Variants in NFATC2 observed in about 807,000 individuals in gnomAD.
The protein encoded by NFATC2 is nuclear factor of activated T cells 2, also known as nuclear factor of activated T-cells, cytoplasmic 2.
Under a neutral mutation model 87.3 loss-of-function variants are expected in NFATC2, and 22 were observed. The ratio of observed to expected loss-of-function variants is 0.25; its 90% CI spans 0.18 to 0.36. The LOEUF (loss-of-function observed/expected upper bound fraction) is 0.36. NFATC2 is among the 10% of genes least tolerant of loss of function. The probability of loss-of-function intolerance (pLI) is 1.00; values close to 1 mark genes in which losing one functional copy is unlikely to be tolerated. For missense variants in NFATC2, 1,149 were observed against 1,259.1 expected (o/e 0.91, Z 1.32); for synonymous variants, 565 against 542.2 (o/e 1.04, Z -0.58).
chr20:51,406,423 G>A (rs529623199), intron 9 of NFATC2, among the ~76,000 whole-genome samples: 53 of 152,250 alleles, frequency 3.5e-4, no homozygotes, highest in African/African-American at 9.6e-4. Flanking sequence ...AACCTGTGGC[G>A]GGGAGCAGAT....
upstream of NFATC2, among the ~76,000 whole-genome samples, chr20:51,543,521 G>C (rs1202850276): frequency 6.6e-6 from 1 of 152,212 alleles, no homozygotes; most frequent in Non-Finnish European, 1.5e-5. Context: ...TGTTCTGGCA[G>C]TGAGAACCAA....
intron 1 of NFATC2, among the ~76,000 whole-genome samples, chr20:51,534,655 A>G (rs186166959): frequency 2.0e-5 from 3 of 152,324 alleles, no homozygotes; most frequent in African/African-American, 4.8e-5. Flanking sequence ...TAAAATATGC[A>G]TCACTTACAT....
intron 3 of NFATC2, among the ~76,000 whole-genome samples, chr20:51,513,670 G>A (rs1421173104): frequency 6.6e-6 from 1 of 152,210 alleles, no homozygotes; most frequent in Non-Finnish European, 1.5e-5. Flanking sequence ...GGTGAGCTGA[G>A]CCTCACTCCT....
intron 9 of NFATC2, among the ~76,000 whole-genome samples, chr20:51,416,494 C>T (rs553095398): frequency 1.3e-5 from 2 of 152,160 alleles, no homozygotes; most frequent in Non-Finnish European, 2.9e-5. Context: ...GGTTTCACAT[C>T]TGTCTGGAAT....
intron 3 of NFATC2, among the ~76,000 whole-genome samples, chr20:51,485,347 C>A (rs1189574424): frequency 6.6e-6 from 1 of 152,208 alleles, no homozygotes; most frequent in Admixed American, 6.5e-5. Context: ...TCTCTGCTCT[C>A]AGCTGCCCCT....
rs540494455 is a variant in NFATC2, at chr20:51,457,136, C to G, written c.1709-2448G>C. Among the ~76,000 whole-genome samples the G allele has an allele frequency of 2.8e-4, 43 of 152,382 alleles. No homozygotes were observed. The South Asian group carries it at 8.9e-3, about 32-fold the overall frequency. ...GGTTATTAATCCTTTCTTTCAATATCAAAGTTTTGTGATGACTTCCTAATT... is the reference window on the plus strand; with the variant it reads ...GGTTATTAATCCTTTCTTTCAATATGAAAGTTTTGTGATGACTTCCTAATT... On this transcript the variant is annotated intron_variant, in intron 5 of 10. Coordinates refer to ENST00000371564, the MANE Select transcript of NFATC2 (RefSeq NM_012340.5).
At chr20:51,396,040 A>G (rs1250308684) in intron 10 of NFATC2, among the ~76,000 whole-genome samples, 23 of 742 alleles carry the variant, frequency 0.031, no homozygotes, top group South Asian at 0.079. Flanking sequence ...CCTAGTATGT[A>G]TATATATATA....
chr20:51,499,572 A>G (rs2076045977), intron 3 of NFATC2, among the ~76,000 whole-genome samples: 1 of 151,946 alleles, frequency 6.6e-6, no homozygotes, highest in South Asian at 2.1e-4. Flanking sequence ...GACCAACATG[A>G]TGAAACCCGT....
intron 3 of NFATC2, among the ~76,000 whole-genome samples, chr20:51,475,957 G>A (rs1032515364): frequency 3.3e-5 from 5 of 152,186 alleles, no homozygotes; most frequent in African/African-American, 1.2e-4. Flanking sequence ...ACTGAGGGTG[G>A]AAGGAGTGTT....
chr20:51,553,009 C>G (rs2076946915), intron 1 of NFATC2, among the ~76,000 whole-genome samples: 1 of 152,018 alleles, frequency 6.6e-6, no homozygotes, highest in Admixed American at 6.6e-5. Flanking sequence ...TTGTTCTCCT[C>G]CCTGTGTCCA....
At chr20:51,553,663 A>G (rs570748693) in intron 1 of NFATC2, among the ~76,000 whole-genome samples, 24 of 138,418 alleles carry the variant, frequency 1.7e-4, no homozygotes, top group East Asian at 1.5e-3. Context: ...GCGACAGAGC[A>G]AGACTCCATC....
Position 51,443,167 on chromosome 20 carries a change from A to ACCC in NFATC2, c.1850-7409_1850-7407dup, listed in dbSNP as rs11481110. ...CATCCTTCAGGTGCAGCTCAGGGAG[A>ACCC]CCCCCCCTTCATCCTACACCATCCC... On this transcript the variant is annotated intron_variant, in intron 6 of 10. Coordinates refer to ENST00000371564, the MANE Select transcript of NFATC2 (RefSeq NM_012340.5). 6.6e-3 allele frequency among the ~76,000 whole-genome samples: 997 copies of ACCC among 150,948 alleles called. 10 individuals carry two copies. The highest frequency in any genetic ancestry group is 0.023 in the African/African-American group (927 of 41,090).
intron 3 of NFATC2, among the ~76,000 whole-genome samples, chr20:51,479,945 C>T (rs1432039657): frequency 6.6e-6 from 1 of 152,150 alleles, no homozygotes; most frequent in East Asian, 1.9e-4. Context: ...TCAGAAAGGG[C>T]AGGTCCTCAA....
At chr20:51,415,150 G>A (rs1979864218) in intron 9 of NFATC2, among the ~76,000 whole-genome samples, 1 of 151,718 alleles carries the variant, frequency 6.6e-6, no homozygotes, top group Non-Finnish European at 1.5e-5. Flanking sequence ...GGGAGCTGAG[G>A]TGGGAGGATC....
At chr20:51,431,766 G>A (rs545581997) in intron 9 of NFATC2, among the ~76,000 whole-genome samples, 6 of 151,136 alleles carry the variant, frequency 4.0e-5, no homozygotes, top group South Asian at 2.1e-4. Flanking sequence ...CAGTTAAATG[G>A]ACCCAGTTCA....
upstream of NFATC2, among the ~76,000 whole-genome samples, chr20:51,547,211 C>T (rs1221326443): frequency 6.6e-6 from 1 of 152,030 alleles, no homozygotes; most frequent in Non-Finnish European, 1.5e-5. Context: ...TTCTTATAGC[C>T]GTCCAGGAAA....
intron 3 of NFATC2, among the ~76,000 whole-genome samples, chr20:51,484,755 A>T (rs1265181984): frequency 6.6e-6 from 1 of 152,158 alleles, no homozygotes; most frequent in Non-Finnish European, 1.5e-5. Context: ...GACAACTGGT[A>T]CCTGGGCTGC....
At chr20:51,540,647 G>GTTTTTTGT (rs1555818252) in intron 1 of NFATC2, among the ~76,000 whole-genome samples, 1 of 112,974 alleles carries the variant, frequency 8.9e-6, no homozygotes, top group African/African-American at 4.4e-5. Flanking sequence ...AAAAACTGAA[G>GTTTTTTGT]TTTTTTTTTT....
intron 9 of NFATC2, among the ~76,000 whole-genome samples, chr20:51,416,605 A>C (rs1234334680): frequency 7.9e-5 from 12 of 152,188 alleles, no homozygotes; most frequent in Admixed American, 7.9e-4. Context: ...AGATGAAGAC[A>C]TTTCTGCAGC....
Sources: gnomAD v4.1 joint callset for allele counts (sites outside exome capture counted in the v4.1 genomes callset) on GRCh38, gnomAD v4.1.1 for gene constraint, MANE v1.5 for transcripts, NCBI Gene and HGNC (gene_info 2026-07-23, HGNC 2026-07-21) for gene names.